RBP2: variants seen among roughly 807,000 people sequenced by gnomAD.
The protein encoded by RBP2 is retinol binding protein 2.
A neutral mutation model predicts 17.0 loss-of-function variants in RBP2; 17 were observed. That is an observed-to-expected ratio of 1.00 (90% CI 0.68 to 1.50). The LOEUF is 1.50. RBP2 is among the 40% of genes most tolerant of loss of function. The pLI is 0.00. For synonymous variants in RBP2, 48 were observed against 57.1 expected (o/e 0.84, Z 0.72); for missense variants, 158 against 168.2 (o/e 0.94, Z 0.33).
intron 1 of RBP2, among the ~76,000 whole-genome samples, chr3:139,467,512 C>T (rs1037094931): frequency 2.6e-5 from 4 of 152,140 alleles, no homozygotes; most frequent in Non-Finnish European, 5.9e-5. Context: ...AATCCTGTCT[C>T]TTATTTCCTA....
In RBP2 at chr3:139,454,778, T is replaced by G; in HGVS notation, c.305A>C (p.Lys102Thr). 1.2e-6 allele frequency: 2 copies of G among 1,614,186 alleles called. No homozygotes were observed. The highest frequency in any genetic ancestry group is 1.7e-6 in the Non-Finnish European group (2 of 1,180,004). ...DVLVCVQKGE[K>T]ENRGWKQWIE... The stretch of plus-strand genomic sequence containing the variant: ...CCACTGCTTCCAGCCGCGGTTCTCC[T>G]TCTCCCCCTTTTGCACACACACAAG... The change falls in exon 3 of 4, where the codon AAG becomes ACG. Residue 102 changes from lysine to threonine, a missense_variant. Lys to Thr is a moderately conservative substitution (Grantham distance 78, BLOSUM62 -1). Coordinates refer to ENST00000232217, the MANE Select transcript of RBP2 (RefSeq NM_004164.3).
chr3:139,457,443 A>C (rs1054849598), intron 2 of RBP2, among the ~76,000 whole-genome samples: 1 of 152,198 alleles, frequency 6.6e-6, no homozygotes, highest in Non-Finnish European at 1.5e-5. Flanking sequence ...GGAAGGAAGG[A>C]AGAAGGAAGG....
chr3:139,459,418 G>GTGTT (rs1192715079), intron 2 of RBP2, among the ~76,000 whole-genome samples: 6 of 148,244 alleles, frequency 4.0e-5, no homozygotes, highest in African/African-American at 1.5e-4. Context: ...GTGTGTGTGT[G>GTGTT]TGTGTGTGTG....
intron 1 of RBP2, among the ~76,000 whole-genome samples, chr3:139,466,223 C>T (rs1002988017): frequency 1.1e-4 from 17 of 152,130 alleles, no homozygotes; most frequent in Admixed American, 1.3e-4. Flanking sequence ...GAGGTGGCCA[C>T]GGAGCCCCTC....
intron 1 of RBP2, among the ~76,000 whole-genome samples, chr3:139,473,219 C>T (rs781499486): frequency 2.0e-5 from 3 of 151,362 alleles, no homozygotes; most frequent in Non-Finnish European, 4.4e-5. Context: ...TACCACTGAC[C>T]CTTGGCTCAC....
chr3:139,472,503 C>T (rs138822161), intron 1 of RBP2, among the ~76,000 whole-genome samples: 5 of 152,300 alleles, frequency 3.3e-5, no homozygotes, highest in South Asian at 2.1e-4. Context: ...GCTTGTATCT[C>T]TTCTCTTTGG....
intron 1 of RBP2, among the ~76,000 whole-genome samples, chr3:139,467,469 A>G (rs1933403796): frequency 2.0e-5 from 3 of 152,188 alleles, no homozygotes; most frequent in Admixed American, 2.0e-4. Context: ...ACTGTGGTAT[A>G]AATGAGTAAG....
At chr3:139,458,585 C>G (rs921176798) in intron 2 of RBP2, among the ~76,000 whole-genome samples, 1 of 152,128 alleles carries the variant, frequency 6.6e-6, no homozygotes, top group Non-Finnish European at 1.5e-5. Flanking sequence ...TCTTCACGCC[C>G]CAAAAGGAAC....
rs2233819 is a variant in RBP2, at chr3:139,453,255, G to A, written c.355-89C>T. ...CCCCCTTGGTATCTGGGGGTGGGAG[G>A]TTGGAATAAAGAGGACACTTAGGTA... On this transcript the variant is annotated intron_variant, in intron 3 of 3. Coordinates refer to ENST00000232217, the MANE Select transcript of RBP2 (RefSeq NM_004164.3). The A allele has an allele frequency of 2.0e-4, 300 of 1,475,888 alleles. 3 individuals carry two copies. In the African/African-American group the frequency reaches 3.8e-3, roughly 18 times the overall value. The allele number at this position is 1,475,888 out of a possible 1,614,324, so 91.4% of individuals were successfully genotyped here.
At chr3:139,460,300 AG>A (rs1175602431) in intron 2 of RBP2, among the ~76,000 whole-genome samples, 2 of 152,176 alleles carry the variant, frequency 1.3e-5, no homozygotes, top group Non-Finnish European at 2.9e-5. Flanking sequence ...CCCCTCAGGG[AG>A]GGGTTCCATA....
intron 2 of RBP2, among the ~76,000 whole-genome samples, chr3:139,455,829 T>G (rs1417684316): frequency 1.3e-5 from 2 of 152,212 alleles, no homozygotes; most frequent in African/African-American, 4.8e-5. Flanking sequence ...GCAGAACATG[T>G]GCTGAACAGC....
At chr3:139,472,931 G>A (rs962545785) in intron 1 of RBP2, among the ~76,000 whole-genome samples, 1 of 152,202 alleles carries the variant, frequency 6.6e-6, no homozygotes, top group Non-Finnish European at 1.5e-5. Flanking sequence ...AGCTTTGGTA[G>A]AGAAGTTGAA....
intron 1 of RBP2, among the ~76,000 whole-genome samples, chr3:139,475,157 A>T (rs1464349008): frequency 6.6e-6 from 1 of 151,752 alleles, no homozygotes; most frequent in Non-Finnish European, 1.5e-5. Flanking sequence ...CGTCTCTATT[A>T]AAAATACAAA....
At chr3:139,453,242 C>G in intron 3 of RBP2, 76 bp from the exon 4 acceptor site, 1 of 1,534,898 alleles carries the variant, frequency 6.5e-7, no homozygotes. Context: ...CCCTTGGTAT[C>G]TGGGGGTGGG....
chr3:139,454,772 T>C lies in RBP2; in HGVS notation c.311A>G (p.Asn104Ser). The C allele has an allele frequency of 6.2e-7, 1 of 1,614,118 alleles. No homozygotes were observed. The highest frequency in any genetic ancestry group is 8.5e-7 in the Non-Finnish European group (1 of 1,180,000). The part of the protein sequence containing the change: ...LVCVQKGEKE[N>S]RGWKQWIEGD... ...CTCAATCCACTGCTTCCAGCCGCGG[T>C]TCTCCTTCTCCCCCTTTTGCACACA... The change falls in exon 3 of 4, where the codon AAC (asparagine) becomes AGC (serine). Residue 104 changes from asparagine to serine, a missense_variant. Transcript: ENST00000232217.
At chr3:139,475,068 TC>T (rs1362611221) in intron 1 of RBP2, among the ~76,000 whole-genome samples, 2 of 152,042 alleles carry the variant, frequency 1.3e-5, no homozygotes, top group Non-Finnish European at 1.5e-5. Flanking sequence ...ACGTCTGTAA[TC>T]CCAGCACTTT....
intron 3 of RBP2, among the ~76,000 whole-genome samples, chr3:139,453,685 A>G (rs1943348964): frequency 6.6e-6 from 1 of 152,216 alleles, no homozygotes; most frequent in Non-Finnish European, 1.5e-5. Flanking sequence ...CCCGCTTTTC[A>G]TCCAGATAGA....
At chr3:139,460,758 C>T (rs767558568) in intron 2 of RBP2, among the ~76,000 whole-genome samples, 9 of 152,010 alleles carry the variant, frequency 5.9e-5, no homozygotes, top group African/African-American at 1.2e-4. Flanking sequence ...GGCCCTTTGC[C>T]GGGGGTGGGA....
intron 1 of RBP2, among the ~76,000 whole-genome samples, chr3:139,470,505 A>G (rs1339414252): frequency 1.3e-5 from 2 of 151,958 alleles, no homozygotes; most frequent in Non-Finnish European, 2.9e-5. Flanking sequence ...TGCTGTGGCC[A>G]TAGTGATCCT....
Sources: allele counts gnomAD v4.1 joint callset (sites outside exome capture counted in the v4.1 genomes callset), GRCh38; gene constraint gnomAD v4.1.1; transcripts MANE v1.5; gene names NCBI Gene and HGNC (gene_info 2026-07-23, HGNC 2026-07-21).